The following SLIT3 variants were observed in gnomAD, a reference collection of about 807,000 sequenced individuals.
SLIT3 encodes the protein slit guidance ligand 3.
A neutral mutation model predicts 184.0 loss-of-function variants in SLIT3; 68 were observed. The observed-to-expected ratio is 0.37, with a 90% CI of 0.30 to 0.45. SLIT3 has a LOEUF of 0.45. Among genes scored for constraint, SLIT3 ranks in the 20% least tolerant of loss-of-function variants. The pLI, the probability that SLIT3 is intolerant of heterozygous loss-of-function variation, is 1.00. For missense variants in SLIT3, 1,707 were observed against 2,026.0 expected (o/e 0.84, Z 3.02); for synonymous variants, 831 against 828.6 (o/e 1.00, Z -0.05).
intron 9 of SLIT3, among the ~76,000 whole-genome samples, chr5:168,803,684 A>C (rs1180295573): frequency 6.6e-6 from 1 of 152,188 alleles, no homozygotes; most frequent in Non-Finnish European, 1.5e-5. Context: ...CTCTTTCATC[A>C]GACTGCAGTT....
intron 6 of SLIT3, among the ~76,000 whole-genome samples, chr5:168,841,581 G>A (rs1300770849): frequency 1.3e-5 from 2 of 148,852 alleles, no homozygotes; most frequent in Admixed American, 1.3e-4. Flanking sequence ...TCCCAACCTT[G>A]TACCAGTTCA....
At chr5:169,194,305 A>G in intron 3 of SLIT3, among the ~76,000 whole-genome samples, 1 of 150,906 alleles carries the variant, frequency 6.6e-6, no homozygotes, top group Non-Finnish European at 1.5e-5. Context: ...GGAAATATTC[A>G]GGATCCTAAA....
chr5:168,779,127 G>A lies in SLIT3; in HGVS notation c.1152-4749C>T, dbSNP rs528484138. ...CTCCCATTTAATCTCCCTTTGACAG[G>A]TGACCCTTCTGGGGCTCATAGAGCT... On this transcript the variant is annotated intron_variant, in intron 12 of 35. Coordinates refer to ENST00000519560, the MANE Select transcript of SLIT3 (RefSeq NM_003062.4). 4.1e-4 allele frequency among the ~76,000 whole-genome samples: 63 copies of A among 152,324 alleles called. 1 individual carries two copies. The South Asian group carries it at 0.013, about 32-fold the overall frequency.
chr5:169,126,735 C>G (rs989403330), intron 4 of SLIT3, among the ~76,000 whole-genome samples: 9 of 152,232 alleles, frequency 5.9e-5, no homozygotes, highest in African/African-American at 2.2e-4. Context: ...GATCTTTCTT[C>G]TAATCAGGCT....
In SLIT3 at chr5:169,205,129, G is replaced by A. The variant is rs1214635895; in HGVS notation, c.342-11579C>T. On this transcript the variant is annotated intron_variant, in intron 3 of 35. Transcript: ENST00000519560. Reference sequence around the variant, plus strand: ...ATGAGGGAGGGGGCCTCATTAAGCGGGTGAGGAATGGTGACAAACGACAAA... The same window carrying A: ...ATGAGGGAGGGGGCCTCATTAAGCGAGTGAGGAATGGTGACAAACGACAAA... Among the ~76,000 whole-genome samples, 4 of 152,182 alleles carry A rather than the reference G, an allele frequency of 2.6e-5. No homozygotes were observed. In the East Asian group the frequency reaches 7.7e-4, roughly 29 times the overall value.
At chr5:168,878,122 T>C (rs1268276254) in intron 5 of SLIT3, among the ~76,000 whole-genome samples, 2 of 152,230 alleles carry the variant, frequency 1.3e-5, no homozygotes, top group Non-Finnish European at 2.9e-5. Flanking sequence ...TCTAAGGGTC[T>C]CTTTCTTCAT....
At chr5:169,211,073 G>C (rs1359917796) in intron 3 of SLIT3, among the ~76,000 whole-genome samples, 1 of 152,102 alleles carries the variant, frequency 6.6e-6, no homozygotes, top group Non-Finnish European at 1.5e-5. Flanking sequence ...CCAAATAGAA[G>C]GAGAAGTCAC....
intron 20 of SLIT3, among the ~76,000 whole-genome samples, chr5:168,735,253 G>T (rs1216952590): frequency 2.0e-5 from 3 of 152,186 alleles, no homozygotes; most frequent in Non-Finnish European, 2.9e-5. Context: ...CTGTGAATGG[G>T]TGTTCCCCAT....
At chr5:168,769,954 A>G (rs6877545) in intron 14 of SLIT3, among the ~76,000 whole-genome samples, 12,192 of 152,220 alleles carry the variant, frequency 0.08, 526 homozygotes, top group East Asian at 0.098. Context: ...AAGTTCTGTA[A>G]TTCCTTGAGA....
chr5:168,773,374 G>A (rs1755632986), intron 13 of SLIT3, among the ~76,000 whole-genome samples: 2 of 152,158 alleles, frequency 1.3e-5, no homozygotes, highest in South Asian at 4.1e-4. Context: ...TCCATATATA[G>A]TAGCGGGTAT....
At chr5:169,275,423 C>T (rs966074771) in intron 1 of SLIT3, among the ~76,000 whole-genome samples, 2 of 152,336 alleles carry the variant, frequency 1.3e-5, no homozygotes, top group African/African-American at 4.8e-5. Context: ...CAAGGTTCAC[C>T]TAGCTGCAGT....
chr5:169,040,666 C>T (rs1297589231), intron 4 of SLIT3, among the ~76,000 whole-genome samples: 1 of 152,198 alleles, frequency 6.6e-6, no homozygotes, highest in African/African-American at 2.4e-5. Context: ...CCTCCATTCC[C>T]CTATGGAACT....
At chr5:169,000,392 C>CAAAAAAA (rs34002967) in intron 4 of SLIT3, among the ~76,000 whole-genome samples, 17 of 42,310 alleles carry the variant, frequency 4.0e-4, no homozygotes, top group South Asian at 1.3e-3. Flanking sequence ...AACTCCATCT[C>CAAAAAAA]AAAAAAAAAA....
intron 18 of SLIT3, among the ~76,000 whole-genome samples, chr5:168,752,095 A>T (rs1390245403): frequency 1.3e-5 from 2 of 152,274 alleles, no homozygotes; most frequent in African/African-American, 4.8e-5. Context: ...AGGTCTACTT[A>T]AAGGTCCCAG....
At chr5:169,209,345 C>T (rs1234307430) in intron 3 of SLIT3, among the ~76,000 whole-genome samples, 5 of 152,176 alleles carry the variant, frequency 3.3e-5, no homozygotes, top group Non-Finnish European at 7.4e-5. Context: ...CACTTTTACA[C>T]GTTGGTGGGA....
intron 20 of SLIT3, among the ~76,000 whole-genome samples, chr5:168,739,674 G>C (rs1763557898): frequency 6.6e-6 from 1 of 151,972 alleles, no homozygotes; most frequent in Admixed American, 6.6e-5. Flanking sequence ...GGCTGGTCTC[G>C]ACCTCAGCTG....
intron 32 of SLIT3, among the ~76,000 whole-genome samples, chr5:168,675,941 A>C (rs1761395363): frequency 6.6e-6 from 1 of 152,020 alleles, no homozygotes; most frequent in South Asian, 2.1e-4. Context: ...CCATTCAACC[A>C]TCTATACTTC....
chr5:168,998,639 G>C (rs1046338138), intron 4 of SLIT3, among the ~76,000 whole-genome samples: 5 of 152,094 alleles, frequency 3.3e-5, no homozygotes, highest in South Asian at 2.1e-4. Context: ...GAGAGGCAGA[G>C]GTTGCAGTGA....
chr5:169,090,485 C>A (rs537462806), intron 4 of SLIT3, among the ~76,000 whole-genome samples: 1 of 152,158 alleles, frequency 6.6e-6, no homozygotes, highest in Admixed American at 6.5e-5. Context: ...GGGCCAGGAT[C>A]GGCAGGCCTT....
Sources: gnomAD v4.1 joint callset for allele counts (sites outside exome capture counted in the v4.1 genomes callset) on GRCh38, gnomAD v4.1.1 for gene constraint, MANE v1.5 for transcripts, NCBI Gene and HGNC (gene_info 2026-07-23, HGNC 2026-07-21) for gene names.